The following UBAC2 variants were observed in gnomAD, a reference collection of about 807,000 sequenced individuals.
UBAC2 encodes ubiquitin-associated domain-containing protein 2.
A neutral mutation model predicts 44.0 loss-of-function variants in UBAC2; 26 were observed. The observed-to-expected ratio is 0.59, with a 90% CI of 0.43 to 0.82. The LOEUF is 0.82. Among genes scored for constraint, UBAC2 ranks in the 40% least tolerant of loss-of-function variants. UBAC2 has a pLI of 0.00. For synonymous variants in UBAC2, 155 were observed against 154.3 expected, an observed-to-expected ratio of 1.00 and a Z score of -0.04; for missense variants, 329 against 419.4, an observed-to-expected ratio of 0.78 and a Z score of 1.88.
chr13:99,250,942 G>A (rs1230503895), intron 4 of UBAC2, among the ~76,000 whole-genome samples: 1 of 151,980 alleles, frequency 6.6e-6, no homozygotes, highest in Admixed American at 6.6e-5. Flanking sequence ...GTAGAGACGG[G>A]GTTTCACTGC....
At position 99,348,691 on chromosome 13, in the gene UBAC2, T is replaced by C. The variant is rs1172381525; in HGVS notation, c.807+8126T>C. ...GATTTATTTTTAAGAAAGCTCACTT[T>C]AGTCATAATATGAACGTTGTCTGAA... On this transcript the variant is annotated intron_variant, in intron 7 of 8. Coordinates refer to ENST00000403766, the MANE Select transcript of UBAC2 (RefSeq NM_001144072.2). 3.9e-5 allele frequency among the ~76,000 whole-genome samples: 6 copies of C among 152,344 alleles called. No homozygotes were observed. In the East Asian group the frequency reaches 9.6e-4, roughly 24 times the overall value.
chr13:99,280,805 T>C (rs908636192), intron 4 of UBAC2, among the ~76,000 whole-genome samples: 1 of 151,418 alleles, frequency 6.6e-6, no homozygotes, highest in African/African-American at 2.4e-5. Context: ...CTTCCTTCCC[T>C]CCCTTCTTCC....
intron 8 of UBAC2, among the ~76,000 whole-genome samples, chr13:99,373,890 T>C (rs953769478): frequency 6.6e-6 from 1 of 152,156 alleles, no homozygotes; most frequent in Non-Finnish European, 1.5e-5. Flanking sequence ...GAGGATGGAC[T>C]GGACACAGAG....
At chr13:99,203,023 T>TTTA (rs373276231) in intron 1 of UBAC2, among the ~76,000 whole-genome samples, 4 of 146,522 alleles carry the variant, frequency 2.7e-5, no homozygotes, top group Middle Eastern at 3.4e-3. Context: ...CTTTGTTTTA[T>TTTA]TTTATTTATT....
chr13:99,286,684 A>G (rs1354568628), intron 4 of UBAC2, among the ~76,000 whole-genome samples: 3 of 151,992 alleles, frequency 2.0e-5, no homozygotes, highest in African/African-American at 7.3e-5. Flanking sequence ...CCCAGTGTCT[A>G]TTCTGTTGTT....
At chr13:99,237,267 T>TACACACACAC (rs560517982) in intron 1 of UBAC2, among the ~76,000 whole-genome samples, 167 of 118,754 alleles carry the variant, frequency 1.4e-3, no homozygotes, top group South Asian at 0.011. Context: ...TATATATATA[T>TACACACACAC]ATATACACAC....
In UBAC2 at chr13:99,385,320, C is replaced by A; in HGVS notation, c.1020C>A (p.Phe340Leu). 6.2e-7 allele frequency: 1 copy of A among 1,613,988 alleles called. No homozygotes were observed. The highest frequency in any genetic ancestry group is 8.5e-7 in the Non-Finnish European group (1 of 1,179,888). ...ATGACCTCAATGTCGCCACCAACTT[C>A]CTGCTGCAGCACTGATAGTCCCAGG... Reference protein sequence around the residue: ...SNNDLNVATNFLLQH With the variant: ...SNNDLNVATNLLLQH The change falls in exon 9 of 9, where the codon TTC becomes TTA. Residue 340 changes from phenylalanine (F) to leucine (L), a missense_variant. Transcript: ENST00000403766.
At chr13:99,304,764 A>T (rs573935101) in intron 4 of UBAC2, among the ~76,000 whole-genome samples, 1 of 152,258 alleles carries the variant, frequency 6.6e-6, no homozygotes, top group South Asian at 2.1e-4. Flanking sequence ...GTGACCAAAG[A>T]CCTAGCTGTT....
chr13:99,293,747 G>T (rs2044125951), intron 4 of UBAC2, among the ~76,000 whole-genome samples: 1 of 152,178 alleles, frequency 6.6e-6, no homozygotes, highest in Non-Finnish European at 1.5e-5. Context: ...CAACCATTAA[G>T]ATTAATTTTC....
At chr13:99,297,024 A>G (rs1161667708) in intron 4 of UBAC2, among the ~76,000 whole-genome samples, 1 of 152,194 alleles carries the variant, frequency 6.6e-6, no homozygotes, top group African/African-American at 2.4e-5. Flanking sequence ...TTTGTCGTGT[A>G]TATTTTATAT....
chr13:99,313,704 A>G (rs1158276837), intron 4 of UBAC2, among the ~76,000 whole-genome samples: 2 of 152,282 alleles, frequency 1.3e-5, no homozygotes, highest in East Asian at 3.9e-4. Context: ...ATGGCGACAG[A>G]TCACTGGACA....
At chr13:99,222,284 C>A (rs1481874711) in intron 1 of UBAC2, among the ~76,000 whole-genome samples, 3 of 152,188 alleles carry the variant, frequency 2.0e-5, no homozygotes, top group Non-Finnish European at 4.4e-5. Flanking sequence ...GAAGGCCACT[C>A]TGAGGAGGTG....
At chr13:99,353,877 C>T (rs2045135103) in intron 7 of UBAC2, among the ~76,000 whole-genome samples, 1 of 152,176 alleles carries the variant, frequency 6.6e-6, no homozygotes, top group Non-Finnish European at 1.5e-5. Context: ...TCAGAGCCAG[C>T]AGCCCAGTGC....
At chr13:99,206,372 C>G (rs955820919) in intron 1 of UBAC2, among the ~76,000 whole-genome samples, 3 of 152,196 alleles carry the variant, frequency 2.0e-5, no homozygotes. Flanking sequence ...GTAGGCAGAG[C>G]TGGGGGCTTC....
chr13:99,243,738 A>T, intron 2 of UBAC2, 94 bp from the exon 3 acceptor site: 1 of 1,132,400 alleles, frequency 8.8e-7, no homozygotes, highest in Non-Finnish European at 1.3e-6. Context: ...TTAGGACATT[A>T]AAAATAGGCA....
At chr13:99,262,816 G>A (rs2043687052) in intron 4 of UBAC2, among the ~76,000 whole-genome samples, 1 of 151,556 alleles carries the variant, frequency 6.6e-6, no homozygotes, top group Non-Finnish European at 1.5e-5. Context: ...TAGTGTGTGT[G>A]GTTGAGGATT....
intron 1 of UBAC2, among the ~76,000 whole-genome samples, chr13:99,211,505 T>G (rs1409141196): frequency 6.6e-6 from 1 of 152,242 alleles, no homozygotes; most frequent in Non-Finnish European, 1.5e-5. Context: ...TGTGAGTTAT[T>G]ATTGGTTTTA....
chr13:99,304,912 C>T (rs1022913212), intron 4 of UBAC2, among the ~76,000 whole-genome samples: 3 of 152,158 alleles, frequency 2.0e-5, no homozygotes, highest in South Asian at 2.1e-4. Context: ...AAAACCTTAA[C>T]GTACACTAAC....
intron 5 of UBAC2, among the ~76,000 whole-genome samples, chr13:99,314,425 CTT>C (rs1211446753): frequency 6.6e-6 from 1 of 152,078 alleles, no homozygotes; most frequent in Non-Finnish European, 1.5e-5. Flanking sequence ...CTTTCATAGT[CTT>C]TAGAAATCTG....
Sources: gnomAD v4.1 joint callset for allele counts (sites outside exome capture counted in the v4.1 genomes callset) on GRCh38, gnomAD v4.1.1 for gene constraint, MANE v1.5 for transcripts, NCBI Gene and HGNC (gene_info 2026-07-23, HGNC 2026-07-21) for gene names.